SORCS3: variants seen among roughly 807,000 people sequenced by gnomAD.
SORCS3 encodes the protein VPS10 domain-containing receptor SorCS3.
A neutral mutation model predicts 146.3 loss-of-function variants in SORCS3; 57 were observed. The observed-to-expected ratio is 0.39, with a 90% CI of 0.31 to 0.49. The LOEUF is 0.49. SORCS3 is among the 20% of genes least tolerant of loss of function. The probability of loss-of-function intolerance (pLI) is 0.92; values close to 1 mark genes in which losing one functional copy is unlikely to be tolerated. For missense variants in SORCS3, 1,341 were observed against 1,575.5 expected, an observed-to-expected ratio of 0.85 and a Z score of 2.52; for synonymous variants, 653 against 618.5, an observed-to-expected ratio of 1.06 and a Z score of -0.83.
At chr10:105,092,025 C>T (rs1170015368) in intron 6 of SORCS3, among the ~76,000 whole-genome samples, 1 of 152,174 alleles carries the variant, frequency 6.6e-6, no homozygotes, top group Admixed American at 6.5e-5. Context: ...AAAACTCTAA[C>T]AGTACATTCT....
At chr10:104,719,184 G>T (rs1323742918) in intron 1 of SORCS3, among the ~76,000 whole-genome samples, 1 of 152,062 alleles carries the variant, frequency 6.6e-6, no homozygotes, top group Non-Finnish European at 1.5e-5. Context: ...CAAGTGCTCC[G>T]TAATTACATG....
intron 1 of SORCS3, among the ~76,000 whole-genome samples, chr10:104,645,351 G>A (rs2015480674): frequency 6.6e-6 from 1 of 152,214 alleles, no homozygotes; most frequent in Non-Finnish European, 1.5e-5. Context: ...TCCTTCAAAT[G>A]AAAGAAGAAG....
chr10:105,056,914 T>C (rs1455479703), intron 5 of SORCS3, among the ~76,000 whole-genome samples: 1 of 152,226 alleles, frequency 6.6e-6, no homozygotes, highest in African/African-American at 2.4e-5. Context: ...TTCAGTTAGA[T>C]TGTATGACTA....
At chr10:105,046,364 C>T (rs1300297437) in intron 5 of SORCS3, among the ~76,000 whole-genome samples, 1 of 152,032 alleles carries the variant, frequency 6.6e-6, no homozygotes, top group African/African-American at 2.4e-5. Context: ...AGGATAGATC[C>T]TTCATGAGTG....
intron 20 of SORCS3, among the ~76,000 whole-genome samples, chr10:105,223,577 GA>G (rs1233652747): frequency 6.6e-6 from 1 of 152,160 alleles, no homozygotes; most frequent in Non-Finnish European, 1.5e-5. Flanking sequence ...TAATGTCAAA[GA>G]AGTTACTTAG....
chr10:104,810,678 G>A (rs1020531205), intron 1 of SORCS3, among the ~76,000 whole-genome samples: 2 of 152,166 alleles, frequency 1.3e-5, no homozygotes, highest in Non-Finnish European at 2.9e-5. Context: ...CTGGGCCAGA[G>A]GGTATAAGTG....
At position 105,070,766 on chromosome 10, in the gene SORCS3, C is replaced by T. The variant is rs140018461; in HGVS notation, c.1029-19009C>T. ...TGAATAAACAAGATATCTGATGTGCCATTTGCTCATTGAAAATTAACAAAC... is the reference window on the plus strand; with the variant it reads ...TGAATAAACAAGATATCTGATGTGCTATTTGCTCATTGAAAATTAACAAAC... On this transcript the variant is annotated intron_variant, in intron 5 of 26. Transcript: ENST00000369701. 3.9e-4 allele frequency among the ~76,000 whole-genome samples: 59 copies of T among 152,300 alleles called. No individual in the cohort carries two copies. In the East Asian group the frequency reaches 0.01, roughly 26 times the overall value.
At chr10:104,840,955 G>T (rs1300902063) in intron 1 of SORCS3, among the ~76,000 whole-genome samples, 1 of 152,174 alleles carries the variant, frequency 6.6e-6, no homozygotes, top group Non-Finnish European at 1.5e-5. Flanking sequence ...ATTTGGCATG[G>T]CCTGCACATA....
chr10:105,065,602 G>A (rs1428102080), intron 5 of SORCS3, among the ~76,000 whole-genome samples: 3 of 152,036 alleles, frequency 2.0e-5, no homozygotes, highest in Non-Finnish European at 2.9e-5. Flanking sequence ...TGAGTGAGAC[G>A]ATGTGATTTT....
chr10:105,237,052 G>A (rs780879041), intron 20 of SORCS3, among the ~76,000 whole-genome samples: 1 of 152,058 alleles, frequency 6.6e-6, no homozygotes, highest in Non-Finnish European at 1.5e-5. Flanking sequence ...GTGACGAGAG[G>A]TATTTCCTTG....
chr10:104,641,389 G>C lies in SORCS3; in HGVS notation c.62G>C (p.Gly21Ala). ...CCGGGGGCGCCGCTTGTCCGGACGG[G>C]GCTCCTACTCTTGTCGACGTGGGTC... ...GRPGAPLVRT[G>A]LLLLSTWVLA... Residue 21 changes from glycine to alanine, a missense_variant, in exon 1 of 27, where the codon GGG becomes GCG. Transcript: ENST00000369701. The surrounding 1 kb of genome is among the most constrained non-coding windows in gnomAD (Gnocchi z 6.4). 1.4e-6 allele frequency: 2 copies of C among 1,449,908 alleles called. No individual in the cohort carries two copies. The highest frequency in any genetic ancestry group is 1.8e-6 in the Non-Finnish European group (2 of 1,105,538). The allele number at this position is 1,449,908 out of a possible 1,614,324, so 89.8% of individuals were successfully genotyped here.
chr10:104,850,598 A>G (rs977409041), intron 2 of SORCS3, among the ~76,000 whole-genome samples: 5 of 152,134 alleles, frequency 3.3e-5, no homozygotes, highest in Admixed American at 3.3e-4. Flanking sequence ...AGAAAATAAA[A>G]GCTCCTTGGT....
intron 1 of SORCS3, among the ~76,000 whole-genome samples, chr10:104,691,884 G>T (rs1337949960): frequency 1.3e-5 from 2 of 152,114 alleles, no homozygotes; most frequent in African/African-American, 2.4e-5. Flanking sequence ...AGGACTATAG[G>T]TGTGGACCAC....
chr10:105,239,649 C>T (rs2056811887), intron 20 of SORCS3, among the ~76,000 whole-genome samples: 1 of 152,096 alleles, frequency 6.6e-6, no homozygotes, highest in Admixed American at 6.6e-5. Context: ...TGGGCTGGCT[C>T]TGTAGATTGG....
intron 2 of SORCS3, among the ~76,000 whole-genome samples, chr10:104,913,811 C>G (rs1467954556): frequency 7.2e-6 from 1 of 138,120 alleles, no homozygotes; most frequent in East Asian, 2.2e-4. Context: ...CTCACTGTCA[C>G]TCAGGCTGGA....
intron 7 of SORCS3, among the ~76,000 whole-genome samples, chr10:105,134,095 A>C (rs556251294): frequency 2.6e-4 from 39 of 152,350 alleles, no homozygotes; most frequent in South Asian, 1.0e-3. Context: ...AATCAAGATA[A>C]TCTATTGTGT....
chr10:104,770,626 C>G (rs2133483314), intron 1 of SORCS3, among the ~76,000 whole-genome samples: 1 of 152,096 alleles, frequency 6.6e-6, no homozygotes, highest in Non-Finnish European at 1.5e-5. Flanking sequence ...TCAAGACCAG[C>G]TTTGGCAACA....
chr10:104,964,720 G>A (rs2054816621), intron 3 of SORCS3, among the ~76,000 whole-genome samples: 1 of 152,048 alleles, frequency 6.6e-6, no homozygotes, highest in South Asian at 2.1e-4. Context: ...AAAAATTGTA[G>A]GGATATACAA....
At chr10:104,662,504 A>G (rs1046684799) in intron 1 of SORCS3, among the ~76,000 whole-genome samples, 4 of 152,234 alleles carry the variant, frequency 2.6e-5, no homozygotes, top group Non-Finnish European at 5.9e-5. Flanking sequence ...CACGTGGACC[A>G]TCTGACTTGA....
Sources: allele counts gnomAD v4.1 joint callset (sites outside exome capture counted in the v4.1 genomes callset), GRCh38; gene constraint gnomAD v4.1.1; non-coding constraint Gnocchi (gnomAD v3.1); transcripts MANE v1.5; gene names NCBI Gene and HGNC (gene_info 2026-07-23, HGNC 2026-07-21).